Variants in EFCAB13 observed in about 807,000 individuals in gnomAD.
EFCAB13 encodes the protein EF-hand calcium binding domain 13.
A neutral mutation model predicts 110.2 loss-of-function variants in EFCAB13; 91 were observed. The ratio of observed to expected loss-of-function variants is 0.83; its 90% confidence interval spans 0.70 to 0.98. The LOEUF is 0.98. Among genes scored for constraint, EFCAB13 ranks in the 50% least tolerant of loss-of-function variants. EFCAB13 has a pLI of 0.00. For missense variants in EFCAB13, 968 were observed against 1,119.4 expected, an observed-to-expected ratio of 0.86 and a Z score of 1.93; for synonymous variants, 323 against 369.9, an observed-to-expected ratio of 0.87 and a Z score of 1.45.
chr17:47,350,531 G>A (rs1002008977), intron 9 of EFCAB13, among the ~76,000 whole-genome samples: 5 of 151,608 alleles, frequency 3.3e-5, no homozygotes, highest in African/African-American at 4.8e-5. Context: ...CCACATACTC[G>A]TTAGTCATAA....
intron 10 of EFCAB13, among the ~76,000 whole-genome samples, chr17:47,368,478 AT>A (rs916591234): frequency 6.6e-6 from 1 of 152,178 alleles, no homozygotes; most frequent in Non-Finnish European, 1.5e-5. Context: ...GAGTGGATGG[AT>A]TTTACCAGGT....
intron 17 of EFCAB13, among the ~76,000 whole-genome samples, chr17:47,396,948 T>C (rs2065741529): frequency 6.6e-6 from 1 of 152,144 alleles, no homozygotes. Context: ...CAGAAAGTAA[T>C]AGATAGCATT....
chr17:47,412,815 G>T lies in EFCAB13; in HGVS notation c.2321G>T (p.Gly774Val). 1 of 1,613,608 alleles carries T rather than the reference G, an allele frequency of 6.2e-7. No individual in the cohort carries two copies. ...AACATCTTGTCACATGTCGATAATG[G>T]CAAGATTGGTATACCTGATTTGGAG... ...AANILSHVDNGKIGIPDLEHA... is the reference protein window; with the variant it reads ...AANILSHVDNVKIGIPDLEHA... The change falls in exon 22 of 25, where the codon GGC becomes GTC. Residue 774 changes from glycine to valine, a missense_variant. Gly to Val is a moderately radical substitution (Grantham distance 109, BLOSUM62 -3). Coordinates refer to ENST00000331493, the MANE Select transcript of EFCAB13 (RefSeq NM_152347.5).
chr17:47,402,310 T>A, intron 18 of EFCAB13, 107 bp downstream of exon 18: 1 of 1,021,602 alleles, frequency 9.8e-7, no homozygotes, highest in Non-Finnish European at 1.5e-6. Context: ...GTTAACATGT[T>A]GGCATTGATA....
chr17:47,352,569 G>T lies in EFCAB13; in HGVS notation c.661+4618G>T, dbSNP rs565104379. ...GTTTAGGATTACATTGGCTATTTGG[G>T]CTCCTTTAGTTCCATGTAAATTTTA... is the stretch of plus-strand genomic sequence containing the variant. On this transcript the variant is annotated intron_variant, in intron 9 of 24. Transcript: ENST00000331493. Among the ~76,000 whole-genome samples, 5 of 152,130 alleles carry T rather than the reference G, an allele frequency of 3.3e-5. No individual in the cohort carries two copies. In the East Asian group the frequency reaches 9.7e-4, roughly 29 times the overall value.
intron 4 of EFCAB13, among the ~76,000 whole-genome samples, chr17:47,334,277 T>C (rs2065336705): frequency 6.6e-6 from 1 of 152,198 alleles, no homozygotes. Flanking sequence ...GTGAGGTGTC[T>C]GTTCAAGTCT....
rs751495648 is a variant in EFCAB13 at position 47,440,575 on chromosome 17, T to C, written c.2783T>C (p.Ile928Thr). The change falls in exon 25 of 25, where the codon ATA becomes ACA. Residue 928 changes from isoleucine (I) to threonine (T), a missense_variant. Physicochemically the swap from Ile to Thr is moderately conservative, Grantham distance 89. Transcript: ENST00000331493. Reference protein sequence around the residue: ...RQAVVYMLKTIQDSIVKAQVS... With the variant: ...RQAVVYMLKTTQDSIVKAQVS... ...GCAGTGGTTTACATGTTAAAAACAA[T>C]ACAGGATTCGATAGTTAAAGCACAG... 1 of 1,613,308 alleles carries C rather than the reference T, an allele frequency of 6.2e-7. No individual in the cohort carries two copies. Among genetic ancestry groups the C allele is most frequent in the South Asian group, 1.1e-5 (1 of 90,988 alleles).
At chr17:47,347,743 T>TG in intron 8 of EFCAB13, 65 bp from the exon 9 acceptor site, 1 of 1,221,528 alleles carries the variant, frequency 8.2e-7, no homozygotes, top group Non-Finnish European at 1.1e-6. Context: ...TTTTTGAGAG[T>TG]GGGGGGAATA....
chr17:47,435,114 A>G (rs1905188426), intron 24 of EFCAB13, among the ~76,000 whole-genome samples: 1 of 152,182 alleles, frequency 6.6e-6, no homozygotes, highest in Admixed American at 6.5e-5. Context: ...AGAATGAGAG[A>G]AAATATTCAC....
intron 17 of EFCAB13, among the ~76,000 whole-genome samples, chr17:47,401,641 T>A (rs2065779269): frequency 2.8e-5 from 1 of 36,282 alleles, no homozygotes; most frequent in Non-Finnish European, 6.3e-5. Flanking sequence ...TCAGCCTGAC[T>A]TTTTTTTTTT....
intron 14 of EFCAB13, among the ~76,000 whole-genome samples, chr17:47,379,834 G>C (rs2065636984): frequency 6.6e-6 from 1 of 152,002 alleles, no homozygotes; most frequent in Non-Finnish European, 1.5e-5. Flanking sequence ...ATTTTGTTCT[G>C]TTTATACATA....
At chr17:47,391,165 C>A (rs1244497493) in intron 14 of EFCAB13, among the ~76,000 whole-genome samples, 1 of 152,044 alleles carries the variant, frequency 6.6e-6, no homozygotes, top group East Asian at 1.9e-4. Flanking sequence ...GCTTTCAAAT[C>A]CCTGGCCTCA....
intron 17 of EFCAB13, among the ~76,000 whole-genome samples, chr17:47,401,299 A>G (rs2065777584): frequency 6.6e-6 from 1 of 152,226 alleles, no homozygotes; most frequent in South Asian, 2.1e-4. Flanking sequence ...ATAATAAACT[A>G]TAATATTTCT....
At chr17:47,399,832 T>G (rs548452162) in intron 17 of EFCAB13, among the ~76,000 whole-genome samples, 1 of 152,322 alleles carries the variant, frequency 6.6e-6, no homozygotes, top group African/African-American at 2.4e-5. Context: ...ATTTGGCATA[T>G]TCAGAAATAC....
intron 14 of EFCAB13, among the ~76,000 whole-genome samples, chr17:47,381,167 G>A (rs1165354999): frequency 1.3e-5 from 2 of 151,970 alleles, no homozygotes; most frequent in Admixed American, 6.6e-5. Flanking sequence ...CTTTTGAGAA[G>A]CGTCTGTTCA....
rs979696397 is a variant in EFCAB13, at chr17:47,357,866, C to T, written c.662-3512C>T. On this transcript the variant is annotated intron_variant, in intron 9 of 24. Coordinates refer to ENST00000331493, the MANE Select transcript of EFCAB13 (RefSeq NM_152347.5). The stretch of plus-strand genomic sequence containing the variant: ...GCAGGACTAACTTGCAACTTTCACT[C>T]GGACAGACAGAGCAGCGTGTAGAGA... 4.6e-5 allele frequency among the ~76,000 whole-genome samples: 7 copies of T among 152,114 alleles called. No individual in the cohort carries two copies. In the East Asian group the frequency reaches 7.7e-4, roughly 17 times the overall value.
At chr17:47,350,224 G>T (rs2065441913) in intron 9 of EFCAB13, among the ~76,000 whole-genome samples, 1 of 152,092 alleles carries the variant, frequency 6.6e-6, no homozygotes, top group Non-Finnish European at 1.5e-5. Flanking sequence ...CCACTAGTGT[G>T]GGCTGAGAAA....
chr17:47,384,557 C>T (rs1041230724), intron 14 of EFCAB13, among the ~76,000 whole-genome samples: 3 of 152,014 alleles, frequency 2.0e-5, no homozygotes, highest in Admixed American at 6.5e-5. Context: ...AATCCCTCAG[C>T]GTTTGCTTGT....
chr17:47,414,439 G>T (rs1469162955), intron 22 of EFCAB13, among the ~76,000 whole-genome samples: 3 of 151,682 alleles, frequency 2.0e-5, no homozygotes, highest in Non-Finnish European at 4.4e-5. Context: ...GCAGAACCTG[G>T]GAGGCGGAGC....
Sources: gnomAD v4.1 joint callset for allele counts (sites outside exome capture counted in the v4.1 genomes callset) on GRCh38, gnomAD v4.1.1 for gene constraint, MANE v1.5 for transcripts, NCBI Gene and HGNC (gene_info 2026-07-23, HGNC 2026-07-21) for gene names.